The following TMEM132B variants were observed in gnomAD, a reference collection of about 807,000 sequenced individuals.
TMEM132B encodes the protein transmembrane protein 132B.
In TMEM132B, 18 loss-of-function variants were observed where a neutral mutation model predicts 90.8. The observed-to-expected ratio is 0.20, with a 90% confidence interval of 0.14 to 0.29. The LOEUF is 0.29. Among genes scored for constraint, TMEM132B ranks in the 10% least tolerant of loss-of-function variants. TMEM132B has a pLI of 1.00. For missense variants in TMEM132B, 1,096 were observed against 1,326.8 expected (o/e 0.83, Z 2.70); for synonymous variants, 504 against 523.3 (o/e 0.96, Z 0.50).
intron 1 of TMEM132B, among the ~76,000 whole-genome samples, chr12:125,313,451 C>T (rs1430708571): frequency 2.7e-5 from 4 of 150,732 alleles, no homozygotes; most frequent in Admixed American, 2.0e-4. Flanking sequence ...CCCTTCCTTC[C>T]TCCCTTCTTT....
chr12:125,474,794 G>A (rs537695972), intron 3 of TMEM132B, among the ~76,000 whole-genome samples: 10 of 152,314 alleles, frequency 6.6e-5, no homozygotes, highest in South Asian at 2.1e-4. Context: ...TCCTCTGTCC[G>A]TCTCTGGGCT....
chr12:125,297,286 A>T (rs1274581464), intron 1 of TMEM132B, among the ~76,000 whole-genome samples: 6 of 151,972 alleles, frequency 3.9e-5, no homozygotes, highest in African/African-American at 1.5e-4. Context: ...ACATGTTTCA[A>T]CCTCCCTGCT....
At chr12:125,316,718 C>T (rs574156513) in intron 1 of TMEM132B, among the ~76,000 whole-genome samples, 11 of 152,252 alleles carry the variant, frequency 7.2e-5, no homozygotes, top group African/African-American at 2.2e-4. Context: ...TGTGGCAGAA[C>T]GGTGCCAGAT....
chr12:125,382,055 A>G (rs2136287356), intron 2 of TMEM132B, among the ~76,000 whole-genome samples: 1 of 152,310 alleles, frequency 6.6e-6, no homozygotes, highest in South Asian at 2.1e-4. Flanking sequence ...CGAGATGCCC[A>G]ACATCCCTTT....
chr12:125,642,880 TGTTGG>T (rs1886665401), intron 5 of TMEM132B, among the ~76,000 whole-genome samples: 1 of 151,558 alleles, frequency 6.6e-6, no homozygotes, highest in Non-Finnish European at 1.5e-5. Context: ...AGTGTAGAGC[TGTTGG>T]GTGGCAAAAG....
chr12:125,621,780 A>G (rs1283795439), intron 5 of TMEM132B, among the ~76,000 whole-genome samples: 1 of 152,182 alleles, frequency 6.6e-6, no homozygotes, highest in Non-Finnish European at 1.5e-5. Context: ...GTTAATGAGG[A>G]CAAGATATGG....
At position 125,408,102 on chromosome 12, in the gene TMEM132B, C is replaced by A. The variant is rs1345619938; in HGVS notation, c.960-7429C>A. 6.6e-6 allele frequency among the ~76,000 whole-genome samples: 1 copy of A among 152,192 alleles called. No homozygotes were observed. Among genetic ancestry groups the A allele is most frequent in the African/African-American group, 2.4e-5 (1 of 41,444 alleles). ...CGGAGATCTGTGTGCCTGCTTCTGACTTTCCACGAACGGAATTGCACAGTG... is the reference window on the plus strand; with the variant it reads ...CGGAGATCTGTGTGCCTGCTTCTGAATTTCCACGAACGGAATTGCACAGTG... On this transcript the variant is annotated intron_variant, in intron 2 of 8. Transcript: ENST00000682704. This position sits in a 1 kb window ranked among gnomAD's most constrained non-coding sequence, Gnocchi z 5.9.
At chr12:125,576,735 T>G (rs1442909385) in intron 4 of TMEM132B, among the ~76,000 whole-genome samples, 1 of 152,086 alleles carries the variant, frequency 6.6e-6, no homozygotes, top group African/African-American at 2.4e-5. Context: ...GACATACATT[T>G]TGGTCCTTTG....
intron 1 of TMEM132B, among the ~76,000 whole-genome samples, chr12:125,328,222 T>C (rs1178925312): frequency 6.6e-6 from 1 of 152,224 alleles, no homozygotes; most frequent in Non-Finnish European, 1.5e-5. Context: ...CACAATGCAG[T>C]GGCCTCCGCC....
rs1040699839 is a variant in TMEM132B at position 125,661,449 on chromosome 12, A to G, written c.*6739A>G. The G allele has an allele frequency of 6.6e-6, 1 of 152,206 alleles. No homozygotes were observed. The highest frequency in any genetic ancestry group is 2.4e-5 in the African/African-American group (1 of 41,432). 9.4% of individuals were successfully genotyped at this position (152,206 alleles called of 1,614,324 possible). A position where few individuals can be genotyped will look rare whatever the true frequency, so the allele number is the denominator to read the frequency against. On this transcript the variant is annotated 3_prime_UTR_variant, in exon 9 of 9. Transcript: ENST00000682704. ...CCATCGGGCACACCTGGAAATGTCC[A>G]TCGGACATATTGCCATCTCAGTTGC...
Position 125,326,695 on chromosome 12 carries a change from C to T in TMEM132B, c.68-22757C>T, listed in dbSNP as rs759223604. On this transcript the variant is annotated intron_variant, in intron 1 of 8. Coordinates refer to ENST00000682704, the MANE Select transcript of TMEM132B (RefSeq NM_001366854.1). Reference sequence around the variant, plus strand: ...GGGGAGGTCGGAAGGAAGGGAATGGCCTGGTGCAACCAGGACAGGGATGGG... The same window carrying T: ...GGGGAGGTCGGAAGGAAGGGAATGGTCTGGTGCAACCAGGACAGGGATGGG... 3 of 1,601,004 alleles carry T rather than the reference C, an allele frequency of 1.9e-6. 1 individual carries two copies. The South Asian group carries it at 3.4e-5, about 18-fold the overall frequency.
chr12:125,572,996 C>A (rs1884837271), intron 4 of TMEM132B, among the ~76,000 whole-genome samples: 1 of 152,190 alleles, frequency 6.6e-6, no homozygotes, highest in Non-Finnish European at 1.5e-5. Context: ...GTCCTTTTGA[C>A]ATTTTTTTTG....
intron 2 of TMEM132B, among the ~76,000 whole-genome samples, chr12:125,351,445 G>A (rs7978474): frequency 0.28 from 42,510 of 152,176 alleles, 6,169 homozygotes; most frequent in Admixed American, 0.37. Flanking sequence ...CTTTAAGGAT[G>A]AGTGGAATAC....
At chr12:125,542,971 G>A (rs577182739) in intron 4 of TMEM132B, among the ~76,000 whole-genome samples, 26 of 152,294 alleles carry the variant, frequency 1.7e-4, no homozygotes, top group African/African-American at 5.5e-4. Context: ...TGCTTTCTCA[G>A]GAAATGAGAA....
At chr12:125,497,751 G>A (rs1261946406) in intron 3 of TMEM132B, among the ~76,000 whole-genome samples, 2 of 152,172 alleles carry the variant, frequency 1.3e-5, no homozygotes, top group African/African-American at 4.8e-5. Context: ...GATCAAGCTA[G>A]GAGTTTGACT....
intron 1 of TMEM132B, among the ~76,000 whole-genome samples, chr12:125,272,901 C>A (rs550310183): frequency 2.6e-5 from 4 of 152,332 alleles, no homozygotes; most frequent in African/African-American, 9.6e-5. Context: ...TCATTCTTCG[C>A]TCAAACAGTC....
At chr12:125,350,627 G>C (rs1204211752) in intron 2 of TMEM132B, among the ~76,000 whole-genome samples, 2 of 152,136 alleles carry the variant, frequency 1.3e-5, no homozygotes, top group Non-Finnish European at 2.9e-5. Flanking sequence ...CAAAGGGTTG[G>C]GCAGTGTGAG....
At chr12:125,477,975 G>T (rs1348241576) in intron 3 of TMEM132B, among the ~76,000 whole-genome samples, 1 of 152,218 alleles carries the variant, frequency 6.6e-6, no homozygotes, top group Non-Finnish European at 1.5e-5. Flanking sequence ...GGCAAACAGG[G>T]TCTGAAGTGG....
intron 1 of TMEM132B, among the ~76,000 whole-genome samples, chr12:125,263,318 C>G (rs1874611221): frequency 6.6e-6 from 1 of 152,158 alleles, no homozygotes; most frequent in Admixed American, 6.5e-5. Context: ...AAGCATCATA[C>G]TGGAAGCAAG....
Sources: allele counts gnomAD v4.1 joint callset (sites outside exome capture counted in the v4.1 genomes callset), GRCh38; gene constraint gnomAD v4.1.1; non-coding constraint Gnocchi (gnomAD v3.1); transcripts MANE v1.5; gene names NCBI Gene and HGNC (gene_info 2026-07-23, HGNC 2026-07-21).